PDE4D: variants seen among roughly 807,000 people sequenced by gnomAD.
PDE4D encodes phosphodiesterase 4D, also known as 3',5'-cyclic-AMP phosphodiesterase 4D.
PDE4D carries 24 observed loss-of-function variants against 87.4 expected under a neutral mutation model. That is an observed-to-expected ratio of 0.27 (90% CI 0.20 to 0.39). The LOEUF (loss-of-function observed/expected upper bound fraction) is 0.39, where lower values mean the gene tolerates loss of function less well. PDE4D is among the 10% of genes least tolerant of loss of function. The pLI is 1.00. For synonymous variants in PDE4D, 384 were observed against 383.2 expected (o/e 1.00, Z -0.02); for missense variants, 714 against 1,041.0 (o/e 0.69, Z 4.32).
chr5:59,030,388 C>T (rs1402829890), intron 6 of PDE4D, among the ~76,000 whole-genome samples: 1 of 129,184 alleles, frequency 7.7e-6, no homozygotes, highest in African/African-American at 2.9e-5. Context: ...ACACACTTTC[C>T]TCAAAAAAGA....
At chr5:60,249,149 T>A (rs1748141610) in intron 1 of PDE4D, among the ~76,000 whole-genome samples, 1 of 152,012 alleles carries the variant, frequency 6.6e-6, no homozygotes, top group Non-Finnish European at 1.5e-5. Context: ...TTTCTAGATA[T>A]TGCAACTCCC....
intron 1 of PDE4D, among the ~76,000 whole-genome samples, chr5:59,306,401 G>A (rs1480010437): frequency 7.2e-5 from 11 of 152,128 alleles, no homozygotes; most frequent in Non-Finnish European, 1.5e-4. Context: ...TGTCAGTATC[G>A]AAATGTGAGG....
In PDE4D at chr5:58,972,155, G is replaced by A. The variant is rs1479390540; in HGVS notation, c.*2509C>T. ...CTGTGGGGGAAATACTAAGTGTAGG[G>A]AGGAGAGGAATGAGAATGTTTTGGA... On this transcript the variant is annotated 3_prime_UTR_variant, in exon 15 of 15. Transcript: ENST00000340635. 6.6e-6 allele frequency: 1 copy of A among 152,576 alleles called. No homozygotes were observed. Among genetic ancestry groups the A allele is most frequent in the African/African-American group, 2.4e-5 (1 of 41,454 alleles). The allele number at this position is 152,576 out of a possible 1,614,324, so 9.5% of individuals were successfully genotyped here.
At chr5:59,607,133 T>C (rs1344863620) in intron 1 of PDE4D, among the ~76,000 whole-genome samples, 1 of 152,164 alleles carries the variant, frequency 6.6e-6, no homozygotes, top group Non-Finnish European at 1.5e-5. Flanking sequence ...TGTAATTTGA[T>C]TCCTAACCCT....
intron 1 of PDE4D, among the ~76,000 whole-genome samples, chr5:59,234,153 C>T (rs988887070): frequency 3.9e-5 from 6 of 152,092 alleles, no homozygotes; most frequent in African/African-American, 1.4e-4. Flanking sequence ...ACTTCTCCAG[C>T]CATTAAAATT....
At chr5:59,171,759 T>G (rs1341018777) in intron 5 of PDE4D, among the ~76,000 whole-genome samples, 5 of 139,012 alleles carry the variant, frequency 3.6e-5, no homozygotes, top group East Asian at 4.0e-4. Context: ...CCACTGGCTC[T>G]CTCTCTCTCT....
chr5:59,671,574 G>A (rs1347579299), intron 1 of PDE4D, among the ~76,000 whole-genome samples: 1 of 152,060 alleles, frequency 6.6e-6, no homozygotes, highest in African/African-American at 2.4e-5. Context: ...TCGGGAGATG[G>A]AGGCAGAAGG....
chr5:59,287,385 T>G (rs1294985576), intron 1 of PDE4D, among the ~76,000 whole-genome samples: 1 of 151,806 alleles, frequency 6.6e-6, no homozygotes, highest in Non-Finnish European at 1.5e-5. Context: ...GGGTGCCAGC[T>G]CACCCACCGT....
At chr5:59,064,135 G>A (rs1763539524) in intron 5 of PDE4D, among the ~76,000 whole-genome samples, 1 of 151,424 alleles carries the variant, frequency 6.6e-6, no homozygotes, top group Non-Finnish European at 1.5e-5. Flanking sequence ...GGGAGGGAAG[G>A]AGGGAGACAT....
intron 1 of PDE4D, among the ~76,000 whole-genome samples, chr5:60,308,475 G>T (rs981966823): frequency 1.3e-5 from 2 of 152,110 alleles, no homozygotes; most frequent in Non-Finnish European, 2.9e-5. Context: ...TTTAAGGATT[G>T]TCCAATTTTA....
At chr5:59,487,638 T>C (rs1165308446) in intron 1 of PDE4D, among the ~76,000 whole-genome samples, 3 of 152,034 alleles carry the variant, frequency 2.0e-5, no homozygotes, top group African/African-American at 7.2e-5. Context: ...ATAGCACTAA[T>C]AAAAAGTAAT....
intron 5 of PDE4D, among the ~76,000 whole-genome samples, chr5:59,128,988 C>T (rs942932776): frequency 5.3e-5 from 8 of 152,334 alleles, no homozygotes; most frequent in East Asian, 1.9e-4. Context: ...AGCTGTCTCT[C>T]TCTAAATGGT....
At chr5:59,039,059 C>T (rs1478538807) in intron 5 of PDE4D, 88 bp from the exon 6 acceptor site, 1 of 1,507,620 alleles carries the variant, frequency 6.6e-7, no homozygotes. Context: ...CTGCCATACC[C>T]CGCCATGCTC....
chr5:59,941,487 C>A (rs750252511), intron 3 of PDE4D, among the ~76,000 whole-genome samples: 1 of 152,220 alleles, frequency 6.6e-6, no homozygotes, highest in Non-Finnish European at 1.5e-5. Flanking sequence ...ACTCTCCTCC[C>A]AATTGCCTTT....
At chr5:59,043,983 CTT>C (rs1160405285) in intron 5 of PDE4D, among the ~76,000 whole-genome samples, 2 of 152,236 alleles carry the variant, frequency 1.3e-5, no homozygotes, top group East Asian at 3.9e-4. Context: ...GGTTCCAAGT[CTT>C]TGCTATTGTG....
At chr5:60,397,020 A>T (rs541211215) in intron 1 of PDE4D, among the ~76,000 whole-genome samples, 1 of 152,346 alleles carries the variant, frequency 6.6e-6, no homozygotes, top group East Asian at 1.9e-4. Context: ...AATTTTTAGG[A>T]TCCCACATTT....
intron 1 of PDE4D, among the ~76,000 whole-genome samples, chr5:60,423,387 A>C (rs199635446): frequency 6.6e-6 from 1 of 152,248 alleles, no homozygotes; most frequent in Non-Finnish European, 1.5e-5. Context: ...AGGATTAAGA[A>C]ACTCACTCAA....
intron 2 of PDE4D, among the ~76,000 whole-genome samples, chr5:60,070,997 T>C (rs1206341366): frequency 1.3e-5 from 2 of 152,058 alleles, no homozygotes; most frequent in African/African-American, 2.4e-5. Flanking sequence ...CTTTTGATTC[T>C]TTCTTATTTT....
intron 1 of PDE4D, among the ~76,000 whole-genome samples, chr5:59,770,004 T>G (rs1434103708): frequency 1.3e-5 from 2 of 152,198 alleles, no homozygotes; most frequent in African/African-American, 2.4e-5. Context: ...TGAGGTTCTA[T>G]TCACAGAAGG....
Sources: gnomAD v4.1 joint callset for allele counts (sites outside exome capture counted in the v4.1 genomes callset) on GRCh38, gnomAD v4.1.1 for gene constraint, MANE v1.5 for transcripts, NCBI Gene and HGNC (gene_info 2026-07-23, HGNC 2026-07-21) for gene names.